The following ZNF367 variants were observed in gnomAD, a reference collection of about 807,000 sequenced individuals.
The protein encoded by ZNF367 is zinc finger protein 367, also known as C2H2 zinc finger protein ZFF29.
Under a neutral mutation model 31.8 loss-of-function variants are expected in ZNF367, and 11 were observed. The ratio of observed to expected loss-of-function variants is 0.35; its 90% CI spans 0.22 to 0.57. The LOEUF (loss-of-function observed/expected upper bound fraction) is 0.57. ZNF367 is among the 20% of genes least tolerant of loss of function. The pLI, the probability that ZNF367 is intolerant of heterozygous loss-of-function variation, is 0.85. For missense variants in ZNF367, 353 were observed against 484.1 expected (o/e 0.73, Z 2.54); for synonymous variants, 199 against 202.4 (o/e 0.98, Z 0.14).
At position 96,418,224 on chromosome 9, in the gene ZNF367, GC is replaced by G; in HGVS notation, c.-193del. On this transcript the variant is annotated 5_prime_UTR_variant, in exon 1 of 5. Transcript: ENST00000375256. ...CACCGGCGGGCAGGGCTGGACCCCA[GC>G]CCCAGGTCAAGCGCGCCCTCCGCTC... The G allele has an allele frequency of 2.4e-6, 2 of 835,790 alleles. No homozygotes were observed. The highest frequency in any genetic ancestry group is 4.1e-4 in the Middle Eastern group (1 of 2,464). 51.8% of individuals were successfully genotyped at this position (835,790 alleles called of 1,614,324 possible).
At chr9:96,411,975 G>A (rs2131082393) in intron 1 of ZNF367, among the ~76,000 whole-genome samples, 1 of 152,268 alleles carries the variant, frequency 6.6e-6, no homozygotes, top group South Asian at 2.1e-4. Context: ...CTATAGGCAA[G>A]CGTCACCATG....
intron 1 of ZNF367, among the ~76,000 whole-genome samples, chr9:96,402,272 GAAAC>G (rs1831613646): frequency 6.6e-6 from 1 of 151,750 alleles, no homozygotes; most frequent in African/African-American, 2.4e-5. Flanking sequence ...AAGAAAGAAA[GAAAC>G]AAAAGAAAAG....
rs1831482458 is a variant in ZNF367, at chr9:96,392,409, C to T, written c.819G>A (p.Glu273=). The change falls in exon 4 of 5, where the codon GAG becomes GAA. Residue 273 remains glutamate, a synonymous_variant. Transcript: ENST00000375256. Reference sequence around the variant, plus strand: ...GCAGCATTCCTGACCTCGCCAGCCACTCGGCCGCGGCCTTGTTGTCGGCAG... The same window carrying T: ...GCAGCATTCCTGACCTCGCCAGCCATTCGGCCGCGGCCTTGTTGTCGGCAG... ...HQAADNKAAA[E]WLARYWEMRE... 1.2e-6 allele frequency: 2 copies of T among 1,614,250 alleles called. No individual in the cohort carries two copies. The highest frequency in any genetic ancestry group is 1.6e-4 in the Middle Eastern group (1 of 6,062).
At chr9:96,390,391 C>G (rs1377664876) in intron 4 of ZNF367, among the ~76,000 whole-genome samples, 1 of 152,168 alleles carries the variant, frequency 6.6e-6, no homozygotes, top group Non-Finnish European at 1.5e-5. Flanking sequence ...AAGATAAGTT[C>G]AGCAAGTCAG....
chr9:96,414,847 G>A (rs1390719600), intron 1 of ZNF367, among the ~76,000 whole-genome samples: 23 of 152,080 alleles, frequency 1.5e-4, no homozygotes, highest in Admixed American at 1.5e-3. Flanking sequence ...CATACCTATA[G>A]ATTTCATCTA....
intron 1 of ZNF367, among the ~76,000 whole-genome samples, chr9:96,403,842 C>T (rs1005570196): frequency 6.6e-6 from 1 of 152,200 alleles, no homozygotes; most frequent in Non-Finnish European, 1.5e-5. Context: ...CCCTACCTTA[C>T]ACTATATACA....
intron 3 of ZNF367, among the ~76,000 whole-genome samples, chr9:96,394,052 TAGG>T (rs1331046687): frequency 1.3e-5 from 2 of 152,214 alleles, no homozygotes; most frequent in African/African-American, 4.8e-5. Flanking sequence ...GAAAATCACT[TAGG>T]ATAATATGCT....
chr9:96,390,988 G>A (rs1418488792), intron 4 of ZNF367, among the ~76,000 whole-genome samples: 2 of 151,904 alleles, frequency 1.3e-5, no homozygotes, highest in Non-Finnish European at 2.9e-5. Flanking sequence ...AGAAAGAGGA[G>A]GGGAGGAAGT....
chr9:96,413,607 G>A (rs1014031848), intron 1 of ZNF367, among the ~76,000 whole-genome samples: 6 of 152,102 alleles, frequency 3.9e-5, no homozygotes, highest in Non-Finnish European at 4.4e-5. Context: ...AAGGTGGGGA[G>A]CCTTGGAACA....
chr9:96,388,447 C>T lies in ZNF367; in HGVS notation c.843G>A (p.Met281Ile), dbSNP rs750179425. 45 of 1,613,414 alleles carry T rather than the reference C, an allele frequency of 2.8e-5. No homozygotes were observed. Among genetic ancestry groups the T allele is most frequent in the Non-Finnish European group, 3.8e-5 (45 of 1,179,930 alleles). ...TCAAAGTGGGGGTGCGCTGCTCTCT[C>T]ATTTCCCAATACCTATGTGAAATGC... ...AAEWLARYWE[M>I]REQRTPTLKG... The change falls in exon 5 of 5, where the codon ATG (methionine) becomes ATA (isoleucine). Residue 281 changes from methionine (M) to isoleucine (I), a missense_variant. By Grantham distance (10) the Met-to-Ile change is conservative. This residue lies in a region of ZNF367 where 101 missense variants were observed against 140.0 expected (regional missense o/e 0.72). Coordinates refer to ENST00000375256, the MANE Select transcript of ZNF367 (RefSeq NM_153695.4).
chr9:96,402,111 C>T, intron 1 of ZNF367, among the ~76,000 whole-genome samples: 1 of 151,426 alleles, frequency 6.6e-6, no homozygotes, highest in Non-Finnish European at 1.5e-5. Flanking sequence ...CAAAAATTAG[C>T]TGGGCATGGT....
chr9:96,396,639 T>C (rs1211127697), intron 2 of ZNF367, among the ~76,000 whole-genome samples: 1 of 151,866 alleles, frequency 6.6e-6, no homozygotes, highest in Non-Finnish European at 1.5e-5. Flanking sequence ...GAAGGCACAT[T>C]AGAAAAAGTA....
chr9:96,391,627 C>T (rs1232951189), intron 4 of ZNF367, among the ~76,000 whole-genome samples: 1 of 152,226 alleles, frequency 6.6e-6, no homozygotes, highest in Non-Finnish European at 1.5e-5. Context: ...GGCTCGTGTA[C>T]AGCAGACAGG....
chr9:96,396,084 T>A (rs1831527103), intron 2 of ZNF367, among the ~76,000 whole-genome samples: 2 of 152,178 alleles, frequency 1.3e-5, no homozygotes, highest in African/African-American at 4.8e-5. Flanking sequence ...CAAAATATGC[T>A]AATAGGGCTC....
At chr9:96,400,539 T>C (rs1441018227) in intron 1 of ZNF367, among the ~76,000 whole-genome samples, 1 of 147,330 alleles carries the variant, frequency 6.8e-6, no homozygotes, top group African/African-American at 2.5e-5. Context: ...AAACATACAA[T>C]AACTAAAACA....
chr9:96,390,696 C>G (rs1587741078), intron 4 of ZNF367, among the ~76,000 whole-genome samples: 1 of 151,746 alleles, frequency 6.6e-6, no homozygotes, highest in Non-Finnish European at 1.5e-5. Context: ...CCAGCGTGGG[C>G]AACGTGACAA....
Position 96,407,151 on chromosome 9 carries a change from C to G in ZNF367, c.421-8837G>C, listed in dbSNP as rs537038550. 1.2e-4 allele frequency: 70 copies of G among 585,830 alleles called. No homozygotes were observed. In the East Asian group the frequency reaches 1.7e-3, roughly 14 times the overall value. The allele number at this position is 585,830 out of a possible 1,614,324, so 36.3% of individuals were successfully genotyped here. ...CCTGGGCAACATAGCAAGACCCCAT[C>G]TCTATTATTAAATAAATAAATAGCT... On this transcript the variant is annotated intron_variant, in intron 1 of 4. Transcript: ENST00000375256.
intron 4 of ZNF367, among the ~76,000 whole-genome samples, chr9:96,389,711 A>G (rs990455246): frequency 1.3e-5 from 2 of 152,004 alleles, no homozygotes; most frequent in Non-Finnish European, 1.5e-5. Context: ...CTTATATACC[A>G]ACAAAGCTGT....
At chr9:96,413,537 C>G (rs1169744977) in intron 1 of ZNF367, among the ~76,000 whole-genome samples, 1 of 152,084 alleles carries the variant, frequency 6.6e-6, no homozygotes, top group Non-Finnish European at 1.5e-5. Flanking sequence ...AGAAGCCAGA[C>G]CCCACCAGCC....
Sources: allele counts gnomAD v4.1 joint callset (sites outside exome capture counted in the v4.1 genomes callset), GRCh38; gene constraint gnomAD v4.1.1; regional missense constraint gnomAD v4.1.1; transcripts MANE v1.5; gene names NCBI Gene and HGNC (gene_info 2026-07-23, HGNC 2026-07-21).